The following CHD9 variants were observed in gnomAD, a reference collection of about 807,000 sequenced individuals.
CHD9 encodes the protein chromodomain helicase DNA binding protein 9.
A neutral mutation model predicts 316.1 loss-of-function variants in CHD9; 77 were observed. The observed-to-expected ratio is 0.24, with a 90% CI of 0.20 to 0.29. The LOEUF (loss-of-function observed/expected upper bound fraction) is 0.29. Among genes scored for constraint, CHD9 ranks in the 10% least tolerant of loss-of-function variants. The pLI is 1.00. For synonymous variants in CHD9, 1,129 were observed against 1,158.3 expected (o/e 0.97, Z 0.51); for missense variants, 2,763 against 3,438.1 (o/e 0.80, Z 4.91).
chr16:53,097,929 G>A (rs1371353071), intron 1 of CHD9, among the ~76,000 whole-genome samples: 2 of 152,090 alleles, frequency 1.3e-5, no homozygotes, highest in African/African-American at 4.8e-5. Context: ...AGCCCAGCCT[G>A]GCCAAAATGG....
At chr16:53,158,034 C>A (rs1482686104) in intron 2 of CHD9, among the ~76,000 whole-genome samples, 1 of 151,980 alleles carries the variant, frequency 6.6e-6, no homozygotes, top group Non-Finnish European at 1.5e-5. Flanking sequence ...GAATAATATG[C>A]AGCTTTAATA....
intron 29 of CHD9, among the ~76,000 whole-genome samples, chr16:53,296,586 G>T (rs938117444): frequency 2.6e-5 from 4 of 151,558 alleles, no homozygotes; most frequent in African/African-American, 9.7e-5. Flanking sequence ...GACTACAGGC[G>T]CCCGCCACCA....
At chr16:53,121,332 A>G (rs1380928834) in intron 1 of CHD9, 2 of 456,046 alleles carry the variant, frequency 4.4e-6, no homozygotes, top group South Asian at 3.1e-5. Context: ...TATGTTACCC[A>G]AAGAGAAACA....
Position 53,184,292 on chromosome 16 carries a change from A to T in CHD9, c.1453-25190A>T, listed in dbSNP as rs146287650. 4.0e-3 allele frequency among the ~76,000 whole-genome samples: 608 copies of T among 152,276 alleles called. 4 individuals are homozygous for T. The highest frequency in any genetic ancestry group is 0.014 in the African/African-American group (582 of 41,550). On this transcript the variant is annotated intron_variant, in intron 2 of 38. Transcript: ENST00000447540. ...GATAGATATGGCACTAAAAGAAAGG[A>T]TACATATGTATGTGTTTATGTAGTG...
chr16:53,120,151 G>A (rs1322940975), intron 1 of CHD9, among the ~76,000 whole-genome samples: 1 of 151,784 alleles, frequency 6.6e-6, no homozygotes, highest in South Asian at 2.1e-4. Flanking sequence ...AGGATCGCTT[G>A]AGCCCAGGAC....
intron 3 of CHD9, among the ~76,000 whole-genome samples, chr16:53,217,068 G>T (rs1410672269): frequency 6.6e-6 from 1 of 151,870 alleles, no homozygotes; most frequent in Non-Finnish European, 1.5e-5. Flanking sequence ...TTTTTTGTTG[G>T]CCAGGATCCA....
chr16:53,096,404 A>T (rs958155330), intron 1 of CHD9, among the ~76,000 whole-genome samples: 7 of 152,186 alleles, frequency 4.6e-5, no homozygotes, highest in Non-Finnish European at 8.8e-5. Context: ...TTTTTGCCAT[A>T]ACATTTATTG....
chr16:53,133,362 G>A (rs1043447248), intron 1 of CHD9, among the ~76,000 whole-genome samples: 2 of 152,098 alleles, frequency 1.3e-5, no homozygotes, highest in African/African-American at 4.8e-5. Context: ...TCTTAATAGG[G>A]AGGCTGAGGC....
At chr16:53,063,830 C>CT (rs60131017) in intron 1 of CHD9, among the ~76,000 whole-genome samples, 28,299 of 135,352 alleles carry the variant, frequency 0.21, 3,093 homozygotes, top group South Asian at 0.35. Context: ...CATGCCTGGC[C>CT]TTTTTTTTTT....
At chr16:53,133,183 A>G (rs2039459011) in intron 1 of CHD9, among the ~76,000 whole-genome samples, 1 of 152,154 alleles carries the variant, frequency 6.6e-6, no homozygotes, top group Non-Finnish European at 1.5e-5. Flanking sequence ...AGTTTCAGGT[A>G]AGTATGTATA....
intron 3 of CHD9, among the ~76,000 whole-genome samples, chr16:53,214,418 GTTAA>G (rs1329589389): frequency 2.0e-4 from 30 of 152,248 alleles, no homozygotes; most frequent in Middle Eastern, 6.8e-3. Flanking sequence ...ATATAAATGT[GTTAA>G]TTGTTTATTG....
chr16:53,208,295 C>A, intron 2 of CHD9: 1 of 1,276,244 alleles, frequency 7.8e-7, no homozygotes, highest in Non-Finnish European at 1.0e-6. Flanking sequence ...AAGCAGAGGG[C>A]AAGCCTTTGT....
rs1303929647 is a variant in CHD9, at chr16:53,295,847, A to G, written c.5511-1109A>G. 3.3e-5 allele frequency among the ~76,000 whole-genome samples: 5 copies of G among 152,322 alleles called. 1 individual carries two copies. The East Asian group carries it at 9.7e-4, about 29-fold the overall frequency. ...AGCAAGGACAGGGTTCTACACCTGC[A>G]CTAAGGTTTGCAGATCTATGGTGCA... On this transcript the variant is annotated intron_variant, in intron 29 of 38. Transcript: ENST00000447540.
intron 38 of CHD9, among the ~76,000 whole-genome samples, chr16:53,322,269 T>G (rs2057327991): frequency 6.6e-6 from 1 of 151,326 alleles, no homozygotes; most frequent in African/African-American, 2.4e-5. Flanking sequence ...AGTGCTAGGA[T>G]TACAGGCCTG....
intron 1 of CHD9, chr16:53,121,657 T>G (rs1232919493): frequency 9.2e-6 from 3 of 324,744 alleles, no homozygotes; most frequent in Non-Finnish European, 1.8e-5. Context: ...CCTCTAGATT[T>G]GAGAACAGTG....
chr16:53,215,205 C>T (rs1051227672), intron 3 of CHD9, among the ~76,000 whole-genome samples: 1 of 152,196 alleles, frequency 6.6e-6, no homozygotes, highest in Non-Finnish European at 1.5e-5. Flanking sequence ...CATAAGCCAC[C>T]GTGCCCGGCC....
intron 1 of CHD9, among the ~76,000 whole-genome samples, chr16:53,094,861 A>G (rs183518379): frequency 2.3e-4 from 34 of 150,744 alleles, no homozygotes; most frequent in Non-Finnish European, 4.1e-4. Context: ...TTGGTTTTGA[A>G]CTCCTGACCT....
chr16:53,130,465 C>A (rs2039176732), intron 1 of CHD9, among the ~76,000 whole-genome samples: 1 of 150,780 alleles, frequency 6.6e-6, no homozygotes, highest in East Asian at 1.9e-4. Flanking sequence ...CGGGGCCTGA[C>A]GTGGCGGCGG....
chr16:53,154,982 G>A (rs1287762508), intron 1 of CHD9, among the ~76,000 whole-genome samples: 1 of 152,026 alleles, frequency 6.6e-6, no homozygotes, highest in Admixed American at 6.6e-5. Flanking sequence ...GTCTACTCTA[G>A]AGTTCTTATT....
Sources: gnomAD v4.1 joint callset for allele counts (sites outside exome capture counted in the v4.1 genomes callset) on GRCh38, gnomAD v4.1.1 for gene constraint, MANE v1.5 for transcripts, NCBI Gene and HGNC (gene_info 2026-07-23, HGNC 2026-07-21) for gene names.